Variants in XIRP2 observed in about 807,000 individuals in gnomAD.
XIRP2 encodes the protein xin actin binding repeat containing 2, also known as xin actin-binding repeat-containing protein 2.
In XIRP2, 236 loss-of-function variants were observed where a neutral mutation model predicts 277.0. The ratio of observed to expected loss-of-function variants is 0.85; its 90% CI spans 0.77 to 0.95. The LOEUF is 0.95. Among genes scored for constraint, XIRP2 ranks in the 40% least tolerant of loss-of-function variants. The pLI is 0.00. For missense variants in XIRP2, 4,640 were observed against 4,157.5 expected (o/e 1.12, Z -3.19); for synonymous variants, 1,490 against 1,416.5 (o/e 1.05, Z -1.17).
chr2:166,970,688 G>C (rs1194047830), intron 2 of XIRP2, among the ~76,000 whole-genome samples: 1 of 151,920 alleles, frequency 6.6e-6, no homozygotes, highest in East Asian at 1.9e-4. Flanking sequence ...GGTAAATCAT[G>C]ATCTTAGGTA....
intron 2 of XIRP2, among the ~76,000 whole-genome samples, chr2:167,056,157 G>T (rs1689031219): frequency 6.6e-6 from 1 of 152,058 alleles, no homozygotes; most frequent in African/African-American, 2.4e-5. Flanking sequence ...AAAAGTAAAT[G>T]ACAGCTAAGA....
chr2:166,978,368 T>A (rs1574131634), intron 2 of XIRP2, among the ~76,000 whole-genome samples: 1 of 152,292 alleles, frequency 6.6e-6, no homozygotes, highest in Admixed American at 6.5e-5. Context: ...TACAATTCCA[T>A]AGAATTCACA....
intron 2 of XIRP2, among the ~76,000 whole-genome samples, chr2:166,944,862 G>T (rs1270678281): frequency 2.6e-5 from 4 of 152,182 alleles, no homozygotes; most frequent in Admixed American, 2.0e-4. Flanking sequence ...GCTGGGGTTT[G>T]ATTGCAGATT....
intron 2 of XIRP2, 73 bp downstream of exon 2, chr2:166,903,963 A>G (rs1684453573): frequency 3.3e-6 from 5 of 1,506,320 alleles, no homozygotes; most frequent in Non-Finnish European, 4.5e-6. Flanking sequence ...ATTACTAAGC[A>G]TGTAATCTTT....
chr2:167,197,496 G>A (rs1004800610), intron 3 of XIRP2, among the ~76,000 whole-genome samples: 4 of 152,014 alleles, frequency 2.6e-5, no homozygotes, highest in South Asian at 2.1e-4. Context: ...TTACTTCTCG[G>A]TGATCTAGAA....
At chr2:167,050,933 T>A (rs1180652476) in intron 2 of XIRP2, among the ~76,000 whole-genome samples, 2 of 151,966 alleles carry the variant, frequency 1.3e-5, no homozygotes, top group African/African-American at 4.8e-5. Flanking sequence ...TTAAATAGTT[T>A]ACCTGGAATT....
chr2:167,229,205 G>A (rs977780876), intron 5 of XIRP2, among the ~76,000 whole-genome samples: 11 of 152,098 alleles, frequency 7.2e-5, no homozygotes, highest in Non-Finnish European at 1.6e-4. Context: ...TACATCTAGG[G>A]AAAGTTGAAA....
At chr2:167,175,656 C>T (rs1484772238) in intron 3 of XIRP2, among the ~76,000 whole-genome samples, 1 of 152,172 alleles carries the variant, frequency 6.6e-6, no homozygotes. Context: ...CTTAACAGAG[C>T]TTGAACGCTG....
At chr2:167,201,487 A>G (rs1207162292) in intron 3 of XIRP2, among the ~76,000 whole-genome samples, 3 of 152,146 alleles carry the variant, frequency 2.0e-5, no homozygotes, top group Admixed American at 6.5e-5. Context: ...ACAGTAGATC[A>G]CTTGAAAATG....
intron 2 of XIRP2, among the ~76,000 whole-genome samples, chr2:167,034,512 A>T (rs1034227643): frequency 1.3e-5 from 2 of 152,032 alleles, no homozygotes; most frequent in Non-Finnish European, 2.9e-5. Context: ...AAAAGAAAAA[A>T]AAAAAGACCC....
intron 2 of XIRP2, among the ~76,000 whole-genome samples, chr2:166,923,965 G>T (rs1685121692): frequency 6.6e-6 from 1 of 151,888 alleles, no homozygotes; most frequent in South Asian, 2.1e-4. Context: ...GAAGAGTCAG[G>T]GCCAAGCTTA....
At position 167,115,323 on chromosome 2, in the gene XIRP2, T is replaced by C. The variant is rs145642609; in HGVS notation, c.409-20586T>C. Among the ~76,000 whole-genome samples, 279 of 152,316 alleles carry C rather than the reference T, an allele frequency of 1.8e-3. 3 individuals are homozygous for C. The highest frequency in any genetic ancestry group is 6.3e-3 in the African/African-American group (262 of 41,576). On this transcript the variant is annotated intron_variant, in intron 2 of 10. Transcript: ENST00000409195. ...TGAATGTCCTTCTGAATCTCAATGA[T>C]TTTTATTCCTATCCATATTCTGAAT...
rs140137831 is a variant in XIRP2 at position 166,920,823 on chromosome 2, G to A, written c.408+16933G>A. Among the ~76,000 whole-genome samples, 116 of 152,042 alleles carry A rather than the reference G, an allele frequency of 7.6e-4. 1 individual carries two copies. The East Asian group carries it at 0.022, about 28-fold the overall frequency. ...TATACAAATGAGAAAATATAGGCTGGGTGAACTGTTTTTGTCTTAGTTCCC... is the reference window on the plus strand; with the variant it reads ...TATACAAATGAGAAAATATAGGCTGAGTGAACTGTTTTTGTCTTAGTTCCC... On this transcript the variant is annotated intron_variant, in intron 2 of 10. Transcript: ENST00000409195.
At chr2:166,919,841 C>T (rs1478262048) in intron 2 of XIRP2, among the ~76,000 whole-genome samples, 8 of 152,086 alleles carry the variant, frequency 5.3e-5, no homozygotes, top group African/African-American at 1.9e-4. Flanking sequence ...GACACAGACA[C>T]ACATACCTAC....
At chr2:167,044,968 A>G (rs1402013786) in intron 2 of XIRP2, among the ~76,000 whole-genome samples, 1 of 152,028 alleles carries the variant, frequency 6.6e-6, no homozygotes, top group Non-Finnish European at 1.5e-5. Context: ...AAAAAAAGCC[A>G]GAGGCATCAC....
chr2:167,175,640 A>G (rs1692819812), intron 3 of XIRP2, among the ~76,000 whole-genome samples: 1 of 152,150 alleles, frequency 6.6e-6, no homozygotes, highest in Admixed American at 6.5e-5. Context: ...GGAGGCAGTC[A>G]TGTCCCTTAA....
intron 3 of XIRP2, among the ~76,000 whole-genome samples, chr2:167,201,249 A>G (rs1559018355): frequency 0.016 from 1,561 of 99,230 alleles, 55 homozygotes; most frequent in East Asian, 0.051. Flanking sequence ...AAAGAAAGAA[A>G]GAAAGAAAGA....
rs1298173341 is a variant in XIRP2 at position 167,254,081 on chromosome 2, T to A, written c.10605T>A (p.Ser3535Arg). ...QGNMYTLSKD[S>R]LSNGVPSGRQ... is the part of the protein sequence containing the mutation. ...ATATGTATACTTTGTCAAAAGACAG[T>A]TTATCCAATGGAGTGCCTAGTGGCA... is the stretch of plus-strand genomic sequence containing the variant. Residue 3535 changes from serine (S) to arginine (R), a missense_variant, in exon 10 of 11, where the codon AGT (serine) becomes AGA (arginine). Coordinates refer to ENST00000409195, the MANE Select transcript of XIRP2 (RefSeq NM_152381.6). 4 of 1,609,460 alleles carry A rather than the reference T, an allele frequency of 2.5e-6. No homozygotes were observed. The African/African-American group carries it at 5.4e-5, about 22-fold the overall frequency.
Position 167,258,051 on chromosome 2 carries a change from A to G in XIRP2, c.*234A>G. On this transcript the variant is annotated 3_prime_UTR_variant, in exon 11 of 11. Transcript: ENST00000409195. The stretch of plus-strand genomic sequence containing the variant: ...CCAAATATGTGTAAAAATATTGCAG[A>G]AAACACCCTTGTACCTGGAGATCGT... The G allele has an allele frequency of 6.2e-7, 1 of 1,613,078 alleles. No homozygotes were observed. The highest frequency in any genetic ancestry group is 1.1e-5 in the South Asian group (1 of 91,008).
Sources: gnomAD v4.1 joint callset for allele counts (sites outside exome capture counted in the v4.1 genomes callset) on GRCh38, gnomAD v4.1.1 for gene constraint, MANE v1.5 for transcripts, NCBI Gene and HGNC (gene_info 2026-07-23, HGNC 2026-07-21) for gene names.